Variants in ALS2CL observed in about 807,000 individuals in gnomAD.
The protein encoded by ALS2CL is ALS2 C-terminal like, also known as ALS2 C-terminal-like protein.
Under a neutral mutation model 127.9 loss-of-function variants are expected in ALS2CL, and 112 were observed. The observed-to-expected ratio is 0.88, with a 90% CI of 0.75 to 1.02. The LOEUF (loss-of-function observed/expected upper bound fraction) is 1.02. ALS2CL is among the 50% of genes least tolerant of loss of function. The pLI is 0.00. For synonymous variants in ALS2CL, 519 were observed against 527.6 expected (o/e 0.98, Z 0.22); for missense variants, 1,174 against 1,236.7 (o/e 0.95, Z 0.76).
rs112096089 is a variant in ALS2CL at position 46,674,137 on chromosome 3, T to C, written c.2429+429A>G. Among the ~76,000 whole-genome samples, 475 of 152,306 alleles carry C rather than the reference T, an allele frequency of 3.1e-3. 1 individual carries two copies. The highest frequency in any genetic ancestry group is 0.011 in the African/African-American group (454 of 41,586). Reference sequence around the variant, plus strand: ...GCCCAAGTGCTCAGAGCAGGTGATCTTGCCCCAGCCTCAGCAGTGGATATT... The same window carrying C: ...GCCCAAGTGCTCAGAGCAGGTGATCCTGCCCCAGCCTCAGCAGTGGATATT... On this transcript the variant is annotated intron_variant, in intron 21 of 25. Transcript: ENST00000318962.
intron 14 of ALS2CL, 101 bp from the exon 15 acceptor site, chr3:46,679,388 C>T: frequency 9.7e-7 from 1 of 1,032,204 alleles, no homozygotes; most frequent in Non-Finnish European, 1.4e-6. Flanking sequence ...TGTGCCCTGA[C>T]ACATGGCGAG....
intron 20 of ALS2CL, chr3:46,675,304 C>A: frequency 2.9e-6 from 1 of 346,640 alleles, no homozygotes; most frequent in Non-Finnish European, 5.3e-6. Flanking sequence ...CCTCGGTTTC[C>A]CCATCTGTGT....
Position 46,681,609 on chromosome 3 carries a change from G to A in ALS2CL, c.1176-11C>T. 1 of 1,613,822 alleles carries A rather than the reference G, an allele frequency of 6.2e-7. No individual in the cohort carries two copies. The highest frequency in any genetic ancestry group is 1.1e-5 in the South Asian group (1 of 91,076). On this transcript the variant is annotated splice_polypyrimidine_tract_variant and intron_variant, in intron 11 of 25. Transcript: ENST00000318962. This position sits in a 1 kb window ranked among gnomAD's most constrained non-coding sequence, Gnocchi z 4.9. ...AGGCGGATGCCGAAGCTGACAGCAT[G>A]GTTGTGGGGGTGGGGATCAGCCCTG...
rs527464518 is a variant in ALS2CL at position 46,678,000 on chromosome 3, C to CAAAA, written c.1757+255_1757+258dup. Among the ~76,000 whole-genome samples, 189 of 129,772 alleles carry CAAAA rather than the reference C, an allele frequency of 1.5e-3. 7 individuals are homozygous for CAAAA. The highest frequency in any genetic ancestry group is 5.1e-3 in the African/African-American group (176 of 34,728). The allele number at this position is 129,772 out of a possible 152,430, so 85.1% of individuals were successfully genotyped here. On this transcript the variant is annotated intron_variant, in intron 16 of 25. Transcript: ENST00000318962. ...TAAACCGTATTGTATCCTTTCGAGA[C>CAAAA]AAAAAAAAAAAAAAAGCAGGACCTA...
intron 1 of ALS2CL, among the ~76,000 whole-genome samples, chr3:46,691,469 C>T (rs1700148713): frequency 6.6e-6 from 1 of 152,064 alleles, no homozygotes; most frequent in East Asian, 1.9e-4. Flanking sequence ...CCCCAGCCGA[C>T]ACCATACCCT....
chr3:46,674,691 G>A lies in ALS2CL; in HGVS notation c.2304C>T (p.Phe768=). Residue 768 remains phenylalanine (F), a synonymous_variant, in exon 21 of 26, where the codon TTC becomes TTT. Coordinates refer to ENST00000318962, the MANE Select transcript of ALS2CL (RefSeq NM_147129.5). ...GGTAGAGCGTGAAGAGCTCTGAGTA[G>A]AAGCTGGGCAGCATGAGGGGCAGCA... ...GLVLPLMLPS[F]YSELFTLYLL... 1 of 1,614,102 alleles carries A rather than the reference G, an allele frequency of 6.2e-7. No homozygotes were observed. The highest frequency in any genetic ancestry group is 8.5e-7 in the Non-Finnish European group (1 of 1,179,988).
At chr3:46,680,568 T>TACA (rs1699238150) in intron 13 of ALS2CL, 27 bp from the exon 14 acceptor site, 1 of 1,601,778 alleles carries the variant, frequency 6.2e-7, no homozygotes, top group Admixed American at 1.7e-5. Context: ...GTGGCCAGAG[T>TACA]TGGATCAGAC....
Position 46,676,404 on chromosome 3 carries a change from T to A in ALS2CL, c.2029-2A>T. ...GGGGTGCAGTGAGTTGCTCAGAGCC[T>A]GGGCCAGTGCATAGGCAACAGAGAG... On this transcript the variant is annotated splice_acceptor_variant, in intron 18 of 25. Coordinates refer to ENST00000318962, the MANE Select transcript of ALS2CL (RefSeq NM_147129.5). LOFTEE classifies it high-confidence loss of function. The A allele has an allele frequency of 6.2e-7, 1 of 1,613,782 alleles. No individual in the cohort carries two copies. Among genetic ancestry groups the A allele is most frequent in the South Asian group, 1.1e-5 (1 of 91,074 alleles).
chr3:46,669,488 G>A lies in ALS2CL; in HGVS notation c.*1496C>T, dbSNP rs898650728. 3.9e-5 allele frequency: 6 copies of A among 152,326 alleles called. No individual in the cohort carries two copies. The highest frequency in any genetic ancestry group is 1.4e-4 in the African/African-American group (6 of 41,466). 9.4% of individuals were successfully genotyped at this position (152,326 alleles called of 1,614,324 possible). A position where few individuals can be genotyped will look rare whatever the true frequency, so the allele number is the denominator to read the frequency against. ...AGGGATGGCTGCATTTGAGGCCAGG[G>A]TCAGGCTGTCCTCACTTATCAGGGG... On this transcript the variant is annotated 3_prime_UTR_variant, in exon 26 of 26. Transcript: ENST00000318962.
intron 3 of ALS2CL, 45 bp from the exon 4 acceptor site, chr3:46,687,729 C>T (rs369423580): frequency 6.3e-7 from 1 of 1,579,176 alleles, no homozygotes; most frequent in South Asian, 1.2e-5. Context: ...GTCCTCAGCC[C>T]CAGACCTAAG....
At chr3:46,677,658 A>G (rs997874076) in intron 16 of ALS2CL, among the ~76,000 whole-genome samples, 1 of 152,192 alleles carries the variant, frequency 6.6e-6, no homozygotes, top group African/African-American at 2.4e-5. Context: ...ACCACTTCCC[A>G]TTAGAACTGC....
intron 3 of ALS2CL, 76 bp from the exon 4 acceptor site, chr3:46,687,760 C>CA: frequency 6.9e-7 from 1 of 1,441,630 alleles, no homozygotes; most frequent in Middle Eastern, 1.8e-4. Context: ...CTGGGATCCC[C>CA]AGATCCCACC....
At chr3:46,679,496 A>G in intron 14 of ALS2CL, 1 of 379,348 alleles carries the variant, frequency 2.6e-6, no homozygotes, top group Non-Finnish European at 4.7e-6. Flanking sequence ...CCATCCCTGG[A>G]TTTCCCCAAA....
At position 46,673,357 on chromosome 3, in the gene ALS2CL, G is replaced by A. The variant is rs1318298831; in HGVS notation, c.2454C>T (p.Leu818=). The A allele has an allele frequency of 1.3e-6, 2 of 1,565,210 alleles. No individual in the cohort carries two copies. The highest frequency in any genetic ancestry group is 2.4e-5 in the East Asian group (1 of 41,884). ...VQKHLWPLKD[L]TLTSNQRYSL... is the part of the protein sequence containing the mutation. ...CTCTCACCTGATTGCTCGTCAGCGT[G>A]AGGTCCTTGAGGGGCCACAAGTGCC... The change falls in exon 22 of 26, where the codon CTC becomes CTT. Residue 818 remains leucine, a synonymous_variant. Transcript: ENST00000318962.
At position 46,678,221 on chromosome 3, in the gene ALS2CL, C is replaced by T. The variant is rs768663090; in HGVS notation, c.1757+38G>A. ...TTTGGGATGGAAACACAGACACATC[C>T]CCAGATAGGCCCAGAGCCAGAGGGG... On this transcript the variant is annotated intron_variant, in intron 16 of 25. Coordinates refer to ENST00000318962, the MANE Select transcript of ALS2CL (RefSeq NM_147129.5). 1.3e-5 allele frequency: 19 copies of T among 1,518,030 alleles called. No homozygotes were observed. The East Asian group carries it at 4.4e-4, about 35-fold the overall frequency. 94.0% of individuals were successfully genotyped at this position (1,518,030 alleles called of 1,614,324 possible). A position where few individuals can be genotyped will look rare whatever the true frequency, so the allele number is the denominator to read the frequency against.
chr3:46,689,089 C>T (rs1360252882), intron 2 of ALS2CL, among the ~76,000 whole-genome samples: 2 of 152,152 alleles, frequency 1.3e-5, no homozygotes, highest in Admixed American at 6.5e-5. Context: ...ATTAGCCAGG[C>T]GTGGTGGCAG....
At position 46,678,315 on chromosome 3, in the gene ALS2CL, T is replaced by C. The variant is rs762091545; in HGVS notation, c.1701A>G (p.Thr567=). The change falls in exon 16 of 26, where the codon ACA becomes ACG. Residue 567 remains threonine (T), a synonymous_variant. Transcript: ENST00000318962. ...FGSGAGRGLH[T]QGVLDTAALP... ...GGGCAGCCGTGTCCAGCACACCCTG[T>C]GTGTGCAGTCCTCTCCCTGCCCCAC... is the stretch of plus-strand genomic sequence containing the variant. The C allele has an allele frequency of 6.2e-7, 1 of 1,612,510 alleles. No homozygotes were observed. The highest frequency in any genetic ancestry group is 8.5e-7 in the Non-Finnish European group (1 of 1,178,962).
chr3:46,674,344 T>A (rs1698638617), intron 21 of ALS2CL, among the ~76,000 whole-genome samples: 1 of 152,098 alleles, frequency 6.6e-6, no homozygotes, highest in African/African-American at 2.4e-5. Context: ...GTGCTTATGG[T>A]GTTTGTCACC....
In ALS2CL at chr3:46,686,376, T is replaced by G. The variant is rs1699779818; in HGVS notation, c.598A>C (p.Met200Leu). The G allele has an allele frequency of 6.2e-7, 1 of 1,613,592 alleles. No homozygotes were observed. Among genetic ancestry groups the G allele is most frequent in the African/African-American group, 1.3e-5 (1 of 74,910 alleles). Residue 200 changes from methionine to leucine, a missense_variant, in exon 6 of 26, where the codon ATG (methionine) becomes CTG (leucine). Met to Leu is a conservative substitution (Grantham distance 15). Transcript: ENST00000318962. The surrounding 1 kb of genome is among the most constrained non-coding windows in gnomAD (Gnocchi z 4.3). ...ACAGCCTGGTCCAACTCCTGCTTCA[T>G]GAAGGACTGCAGGTTCCCAAAGAGG... is the stretch of plus-strand genomic sequence containing the variant. The part of the protein sequence containing the change: ...VTLFGNLQSF[M>L]KQELDQAVAT...
Sources: gnomAD v4.1 joint callset for allele counts (sites outside exome capture counted in the v4.1 genomes callset) on GRCh38, gnomAD v4.1.1 for gene constraint, Gnocchi (gnomAD v3.1) non-coding constraint, MANE v1.5 for transcripts, NCBI Gene and HGNC (gene_info 2026-07-23, HGNC 2026-07-21) for gene names.